GSPT1: variants seen among roughly 807,000 people sequenced by gnomAD.
The protein encoded by GSPT1 is eukaryotic peptide chain release factor GTP-binding subunit ERF3A.
In GSPT1, 20 loss-of-function variants were observed where a neutral mutation model predicts 72.5. The ratio of observed to expected loss-of-function variants is 0.28; its 90% CI spans 0.19 to 0.40. The LOEUF is 0.40. GSPT1 is among the 10% of genes least tolerant of loss of function. The pLI, the probability that GSPT1 is intolerant of heterozygous loss-of-function variation, is 1.00. For synonymous variants in GSPT1, 334 were observed against 293.5 expected, an observed-to-expected ratio of 1.14 and a Z score of -1.41; for missense variants, 580 against 811.9, an observed-to-expected ratio of 0.71 and a Z score of 3.47.
chr16:11,897,776 C>A (rs538158892), intron 3 of GSPT1, 64 bp downstream of exon 3: 2 of 806,018 alleles, frequency 2.5e-6, no homozygotes, highest in East Asian at 2.7e-5. Flanking sequence ...ACATAATGCA[C>A]CTTAAATCTT....
At chr16:11,898,660 AG>A (rs1304159603) in intron 1 of GSPT1, among the ~76,000 whole-genome samples, 1 of 152,098 alleles carries the variant, frequency 6.6e-6, no homozygotes, top group Non-Finnish European at 1.5e-5. Context: ...CACGTTGGTC[AG>A]GCTGGTTTTG....
chr16:11,889,282 T>C (rs1204808553), intron 6 of GSPT1, among the ~76,000 whole-genome samples: 1 of 145,162 alleles, frequency 6.9e-6, no homozygotes, highest in African/African-American at 2.5e-5. Flanking sequence ...CACTCCAGCC[T>C]GGGCAACAGA....
chr16:11,903,817 C>T (rs1443376169), intron 1 of GSPT1: 1 of 152,244 alleles, frequency 6.6e-6, no homozygotes, highest in Non-Finnish European at 1.5e-5. Context: ...AATTGTTTAT[C>T]AAGACGAACT....
chr16:11,914,888 A>G lies in GSPT1; in HGVS notation c.352+481T>C, dbSNP rs1007425134. ...TTTAAACCGTAATTACAGTTTCAATAGTAGAAAACGCAGCAGAAGACGCTC... is the reference window on the plus strand; with the variant it reads ...TTTAAACCGTAATTACAGTTTCAATGGTAGAAAACGCAGCAGAAGACGCTC... On this transcript the variant is annotated intron_variant, in intron 1 of 14. Transcript: ENST00000434724. 6 of 635,992 alleles carry G rather than the reference A, an allele frequency of 9.4e-6. No homozygotes were observed. In the African/African-American group the frequency reaches 1.1e-4, roughly 12 times the overall value. 39.4% of individuals were successfully genotyped at this position (635,992 alleles called of 1,614,324 possible). A position where few individuals can be genotyped will look rare whatever the true frequency, so the allele number is the denominator to read the frequency against.
chr16:11,914,545 A>T (rs1373660643), intron 1 of GSPT1, among the ~76,000 whole-genome samples: 2 of 152,252 alleles, frequency 1.3e-5, no homozygotes, highest in Non-Finnish European at 2.9e-5. Context: ...AATAGACTGA[A>T]CTACTGATGC....
At position 11,887,816 on chromosome 16, in the gene GSPT1, C is replaced by G. The variant is rs1000027757; in HGVS notation, c.777-66G>C. 2.0e-5 allele frequency: 21 copies of G among 1,068,714 alleles called. No homozygotes were observed. The East Asian group carries it at 4.0e-4, about 20-fold the overall frequency. 66.2% of individuals were successfully genotyped at this position (1,068,714 alleles called of 1,614,324 possible). A position where few individuals can be genotyped will look rare whatever the true frequency, so the allele number is the denominator to read the frequency against. ...ATCAGAGTTTTTAGGATATTCTTCACCATTAAAGATATAATGGATGACACA... is the reference window on the plus strand; with the variant it reads ...ATCAGAGTTTTTAGGATATTCTTCAGCATTAAAGATATAATGGATGACACA... On this transcript the variant is annotated intron_variant, in intron 6 of 14. Coordinates refer to ENST00000434724, the MANE Select transcript of GSPT1 (RefSeq NM_002094.4).
rs757000463 is a variant in GSPT1 at position 11,896,617 on chromosome 16, A to C, written c.605T>G (p.Val202Gly). ...TTTCTTAGGAGCACCTGGCGGTGCA[A>C]CCACAGACTTAGGTTTTGGGATTTC... is the stretch of plus-strand genomic sequence containing the variant. ...EEEIPKPKSV[V>G]APPGAPKKEH... The change falls in exon 4 of 15, where the codon GTT (valine) becomes GGT (glycine). Residue 202 changes from valine (V) to glycine (G), a missense_variant. By Grantham distance (109) the Val-to-Gly change is moderately radical (BLOSUM62 -3). Coordinates refer to ENST00000434724, the MANE Select transcript of GSPT1 (RefSeq NM_002094.4). The C allele has an allele frequency of 2.5e-6, 4 of 1,609,926 alleles. No homozygotes were observed. The African/African-American group carries it at 5.3e-5, about 21-fold the overall frequency.
chr16:11,895,238 C>A (rs914644099), intron 4 of GSPT1: 7 of 291,246 alleles, frequency 2.4e-5, no homozygotes, highest in Non-Finnish European at 4.7e-5. Flanking sequence ...CGAGACCAGC[C>A]TGGCCAACAT....
chr16:11,873,990 T>C (rs1192258906), intron 14 of GSPT1, among the ~76,000 whole-genome samples: 1 of 152,214 alleles, frequency 6.6e-6, no homozygotes, highest in Non-Finnish European at 1.5e-5. Context: ...ATAAATAACA[T>C]GTTACATGGT....
At chr16:11,892,790 C>G (rs1383149716) in intron 5 of GSPT1, among the ~76,000 whole-genome samples, 2 of 120,574 alleles carry the variant, frequency 1.7e-5, no homozygotes, top group Non-Finnish European at 3.2e-5. Context: ...GATCACACCA[C>G]TGCACTGCAC....
chr16:11,899,960 T>A (rs746605682), intron 1 of GSPT1, among the ~76,000 whole-genome samples: 1 of 152,170 alleles, frequency 6.6e-6, no homozygotes, highest in Non-Finnish European at 1.5e-5. Context: ...TTGTTTAGTG[T>A]CAGTTAAAGA....
rs1018319110 is a variant in GSPT1 at position 11,872,540 on chromosome 16, A to C, written c.*579T>G. The C allele has an allele frequency of 6.6e-6, 1 of 152,256 alleles. No homozygotes were observed. The highest frequency in any genetic ancestry group is 2.4e-5 in the African/African-American group (1 of 41,462). The allele number at this position is 152,256 out of a possible 1,614,324, so 9.4% of individuals were successfully genotyped here. A position where few individuals can be genotyped will look rare whatever the true frequency, so the allele number is the denominator to read the frequency against. On this transcript the variant is annotated 3_prime_UTR_variant, in exon 15 of 15. Coordinates refer to ENST00000434724, the MANE Select transcript of GSPT1 (RefSeq NM_002094.4). ...CTTGAACGCTGTGAATGTCTCATTT[A>C]TAGTGGGTAGGGAAAGAGTTTATAA...
intron 1 of GSPT1, chr16:11,915,047 C>A (rs1299637288): frequency 7.7e-7 from 1 of 1,291,176 alleles, no homozygotes; most frequent in East Asian, 5.5e-5. Flanking sequence ...GGATCCGCCG[C>A]GGCCCCCACT....
intron 6 of GSPT1, among the ~76,000 whole-genome samples, chr16:11,889,309 G>A (rs2054224501): frequency 6.8e-6 from 1 of 146,372 alleles, no homozygotes; most frequent in Admixed American, 6.9e-5. Flanking sequence ...GTCGTGCCCG[G>A]CACCCCCACC....
At chr16:11,894,410 G>C (rs2141298721) in intron 5 of GSPT1, among the ~76,000 whole-genome samples, 1 of 152,074 alleles carries the variant, frequency 6.6e-6, no homozygotes, top group South Asian at 2.1e-4. Context: ...ATTTTAGCTA[G>C]TCTACCTGTC....
At chr16:11,876,412 G>T (rs565811531) in intron 12 of GSPT1, among the ~76,000 whole-genome samples, 79 of 152,174 alleles carry the variant, frequency 5.2e-4, no homozygotes, top group African/African-American at 1.8e-3. Context: ...TATCTTCTTG[G>T]CAAGTCCCTG....
upstream of GSPT1, chr16:11,916,067 G>A (rs1483608745): frequency 7.1e-6 from 4 of 559,980 alleles, no homozygotes; most frequent in South Asian, 2.9e-5. Context: ...TCTCTGTTCT[G>A]GCCGCCCCCG....
chr16:11,887,764 T>A lies in GSPT1; in HGVS notation c.777-14A>T, dbSNP rs2054201665. The A allele has an allele frequency of 5.1e-6, 8 of 1,556,416 alleles. No individual in the cohort carries two copies. The highest frequency in any genetic ancestry group is 4.6e-5 in the South Asian group (4 of 86,104). On this transcript the variant is annotated splice_polypyrimidine_tract_variant and intron_variant, in intron 6 of 14. Coordinates refer to ENST00000434724, the MANE Select transcript of GSPT1 (RefSeq NM_002094.4). ...CAAGACAAGTACCTGAAATAATTTT[T>A]AAAAAAAGAACAATATTCCTAAGAA...
chr16:11,872,615 A>ATT lies in GSPT1; in HGVS notation c.*503_*504insAA, dbSNP rs1157321157. ...AATTACTTGGGAAAGTTAAAAAGCT[A>ATT]ATGCAACAATGTTACATCCAGATAA... On this transcript the variant is annotated 3_prime_UTR_variant, in exon 15 of 15. Transcript: ENST00000434724. 2 of 152,434 alleles carry ATT rather than the reference A, an allele frequency of 1.3e-5. No individual in the cohort carries two copies. Among genetic ancestry groups the ATT allele is most frequent in the Non-Finnish European group, 1.5e-5 (1 of 68,092 alleles). The allele number at this position is 152,434 out of a possible 1,614,324, so 9.4% of individuals were successfully genotyped here.
Sources: gnomAD v4.1 joint callset for allele counts (sites outside exome capture counted in the v4.1 genomes callset) on GRCh38, gnomAD v4.1.1 for gene constraint, MANE v1.5 for transcripts, NCBI Gene and HGNC (gene_info 2026-07-23, HGNC 2026-07-21) for gene names.